CNTLN: variants seen among roughly 807,000 people sequenced by gnomAD.
CNTLN encodes the protein centlein, centrosomal protein.
In CNTLN, 212 loss-of-function variants were observed where a neutral mutation model predicts 180.0. That is an observed-to-expected ratio of 1.18 (90% CI 1.05 to 1.32). CNTLN has a LOEUF of 1.32. Ranked by LOEUF, CNTLN falls within the 40% of genes most tolerant of loss-of-function variation. The pLI is 0.00. For synonymous variants in CNTLN, 722 were observed against 563.1 expected (o/e 1.28, Z -3.99); for missense variants, 2,095 against 1,610.9 (o/e 1.30, Z -5.14).
intron 5 of CNTLN, among the ~76,000 whole-genome samples, chr9:17,239,960 T>C (rs1417255524): frequency 6.6e-6 from 1 of 152,182 alleles, no homozygotes; most frequent in Non-Finnish European, 1.5e-5. Context: ...TGTATTTTCA[T>C]ATGAATTTTA....
At chr9:17,141,811 C>T (rs768033375) in intron 1 of CNTLN, among the ~76,000 whole-genome samples, 16 of 152,098 alleles carry the variant, frequency 1.1e-4, no homozygotes, top group Middle Eastern at 6.8e-3. Context: ...TGGCTGGGCA[C>T]GGTGGCTCAT....
At chr9:17,297,680 G>C (rs933385044) in intron 6 of CNTLN, among the ~76,000 whole-genome samples, 1 of 152,164 alleles carries the variant, frequency 6.6e-6, no homozygotes, top group South Asian at 2.1e-4. Flanking sequence ...GGAGTCACAA[G>C]TATCCCAGCC....
intron 2 of CNTLN, among the ~76,000 whole-genome samples, chr9:17,219,549 G>A (rs1439925703): frequency 1.3e-5 from 2 of 151,682 alleles, no homozygotes; most frequent in East Asian, 3.9e-4. Context: ...GGAGGTTTTT[G>A]GTTATAAGAT....
chr9:17,237,605 T>G lies in CNTLN; in HGVS notation c.849+1017T>G, dbSNP rs144504178. ...TAATCCAGACATGATTTAAAGTATA[T>G]GGGAACGTGTGTAGGGTATTTGCAA... On this transcript the variant is annotated intron_variant, in intron 5 of 25. Transcript: ENST00000380647. Among the ~76,000 whole-genome samples, 424 of 152,260 alleles carry G rather than the reference T, an allele frequency of 2.8e-3. 2 individuals are homozygous for G. Among genetic ancestry groups the G allele is most frequent in the African/African-American group, 9.7e-3 (404 of 41,556 alleles).
At chr9:17,287,486 T>C (rs1428025212) in intron 6 of CNTLN, among the ~76,000 whole-genome samples, 1 of 151,282 alleles carries the variant, frequency 6.6e-6, no homozygotes, top group Non-Finnish European at 1.5e-5. Context: ...GTTGTGTCTC[T>C]GCCCGGCTTT....
chr9:17,162,224 C>T (rs1819730649), intron 2 of CNTLN, among the ~76,000 whole-genome samples: 1 of 152,136 alleles, frequency 6.6e-6, no homozygotes, highest in Non-Finnish European at 1.5e-5. Flanking sequence ...ACGCCATTCT[C>T]CTGCCTCAGC....
At chr9:17,516,977 A>G in the CNTLN span, among the ~76,000 whole-genome samples, 2 of 152,180 alleles carry the variant, frequency 1.3e-5, no homozygotes, top group Non-Finnish European at 2.9e-5. Flanking sequence ...ATCTCCTGGA[A>G]TGCAGTGGGC....
At chr9:17,245,276 C>G (rs1454635256) in intron 5 of CNTLN, among the ~76,000 whole-genome samples, 1 of 150,124 alleles carries the variant, frequency 6.7e-6, no homozygotes, top group Non-Finnish European at 1.5e-5. Flanking sequence ...CTGGGAAAGT[C>G]TTTTGTTTGA....
At chr9:17,210,887 C>G (rs1242321379) in intron 2 of CNTLN, among the ~76,000 whole-genome samples, 2 of 152,080 alleles carry the variant, frequency 1.3e-5, no homozygotes, top group African/African-American at 4.8e-5. Context: ...CCTTTGCCCA[C>G]TTTTTGATGG....
At chr9:17,375,907 G>A (rs1188570973) in intron 13 of CNTLN, among the ~76,000 whole-genome samples, 1 of 152,146 alleles carries the variant, frequency 6.6e-6, no homozygotes, top group Non-Finnish European at 1.5e-5. Flanking sequence ...AAAAATTAAA[G>A]ATTGATATGA....
At chr9:17,232,261 A>G (rs1824860426) in intron 3 of CNTLN, among the ~76,000 whole-genome samples, 1 of 151,970 alleles carries the variant, frequency 6.6e-6, no homozygotes, top group African/African-American at 2.4e-5. Context: ...ATTTTGTGAT[A>G]TAAGTAACTA....
chr9:17,488,217 G>A (rs1328013104), intron 25 of CNTLN, among the ~76,000 whole-genome samples: 3 of 152,074 alleles, frequency 2.0e-5, no homozygotes, highest in Admixed American at 2.0e-4. Context: ...TTGAAACATT[G>A]TCTGGAATCA....
intron 2 of CNTLN, among the ~76,000 whole-genome samples, chr9:17,152,455 T>C (rs760778483): frequency 2.6e-5 from 4 of 152,206 alleles, no homozygotes; most frequent in Non-Finnish European, 5.9e-5. Context: ...TCGGTTTCCA[T>C]GTATTTGTGC....
chr9:17,412,722 G>T (rs1300233730), intron 16 of CNTLN, among the ~76,000 whole-genome samples: 2 of 152,128 alleles, frequency 1.3e-5, no homozygotes, highest in African/African-American at 2.4e-5. Context: ...ATGCATTTTT[G>T]ATTTATGATG....
Position 17,145,054 on chromosome 9 carries a change from G to A in CNTLN, c.449+1678G>A, listed in dbSNP as rs1211011125. 4.7e-4 allele frequency among the ~76,000 whole-genome samples: 70 copies of A among 149,580 alleles called. 1 individual carries two copies. Among genetic ancestry groups the A allele is most frequent in the Non-Finnish European group, 4.5e-5 (3 of 66,976 alleles). ...GACGGGGTTTCACCTTGTTAGCCAG[G>A]ATGGTCTCGATCTCCTGACCTCATG... On this transcript the variant is annotated intron_variant, in intron 2 of 25. Transcript: ENST00000380647.
Position 17,309,116 on chromosome 9 carries a change from G to T in CNTLN, c.1205G>T (p.Arg402Leu), listed in dbSNP as rs751833045. Residue 402 changes from arginine to leucine, a missense_variant, in exon 8 of 26, where the codon CGG (arginine) becomes CTG (leucine). By Grantham distance (102) the Arg-to-Leu change is moderately radical (BLOSUM62 -2). Coordinates refer to ENST00000380647, the MANE Select transcript of CNTLN (RefSeq NM_017738.4). ...ETTKSNEAML[R>L]QSVTNLQDQL... is the part of the protein sequence containing the mutation. ...ACAAAATCAAATGAAGCTATGCTCC[G>T]GCAAAGTGTTACTAATCTTCAGGAT... The T allele has an allele frequency of 1.9e-6, 3 of 1,607,178 alleles. No individual in the cohort carries two copies. Among genetic ancestry groups the T allele is most frequent in the Admixed American group, 1.7e-5 (1 of 58,922 alleles).
At chr9:17,194,435 A>G (rs1821990394) in intron 2 of CNTLN, among the ~76,000 whole-genome samples, 1 of 152,212 alleles carries the variant, frequency 6.6e-6, no homozygotes, top group Admixed American at 6.5e-5. Flanking sequence ...TCTCAAGTTC[A>G]AAGTTCTACA....
At chr9:17,163,311 A>G (rs1819812248) in intron 2 of CNTLN, among the ~76,000 whole-genome samples, 1 of 152,146 alleles carries the variant, frequency 6.6e-6, no homozygotes, top group Admixed American at 6.5e-5. Context: ...ATGATATATG[A>G]ATCTACTAAT....
At chr9:17,476,232 TTA>T (rs1262737714) in intron 23 of CNTLN, among the ~76,000 whole-genome samples, 1 of 152,154 alleles carries the variant, frequency 6.6e-6, no homozygotes, top group Non-Finnish European at 1.5e-5. Context: ...TAGATAAATA[TTA>T]TGTGTGTTCT....
Sources: allele counts gnomAD v4.1 joint callset (sites outside exome capture counted in the v4.1 genomes callset), GRCh38; gene constraint gnomAD v4.1.1; transcripts MANE v1.5; gene names NCBI Gene and HGNC (gene_info 2026-07-23, HGNC 2026-07-21).